CCDC91: variants seen among roughly 807,000 people sequenced by gnomAD.
The protein encoded by CCDC91 is coiled-coil domain-containing protein 91.
Under a neutral mutation model 63.2 loss-of-function variants are expected in CCDC91, and 48 were observed. The observed-to-expected ratio is 0.76, with a 90% CI of 0.60 to 0.97. CCDC91 has a LOEUF of 0.97. Ranked by LOEUF, CCDC91 falls within the 50% of genes least tolerant of loss-of-function variation. CCDC91 has a pLI of 0.00. For missense variants in CCDC91, 500 were observed against 494.6 expected, an observed-to-expected ratio of 1.01 and a Z score of -0.10; for synonymous variants, 167 against 165.8, an observed-to-expected ratio of 1.01 and a Z score of -0.06.
At chr12:28,380,756 A>G (rs1945249984) in intron 7 of CCDC91, among the ~76,000 whole-genome samples, 1 of 152,136 alleles carries the variant, frequency 6.6e-6, no homozygotes, top group Non-Finnish European at 1.5e-5. Context: ...TTCTTTAACA[A>G]TATCAATCAA....
At chr12:28,452,703 T>G (rs1949870200) in intron 11 of CCDC91, 49 bp downstream of exon 11, 1 of 1,057,536 alleles carries the variant, frequency 9.5e-7, no homozygotes, top group African/African-American at 1.7e-5. Flanking sequence ...CTCATTTTTC[T>G]CAAAATGAAG....
chr12:28,394,303 A>G (rs1433327256), intron 8 of CCDC91, among the ~76,000 whole-genome samples: 1 of 152,076 alleles, frequency 6.6e-6, no homozygotes, highest in Admixed American at 6.5e-5. Flanking sequence ...CGTCTCTACT[A>G]AAAATACAAA....
chr12:28,227,742 A>G (rs1433046955), intron 1 of CCDC91, among the ~76,000 whole-genome samples: 4 of 152,036 alleles, frequency 2.6e-5, no homozygotes, highest in African/African-American at 7.2e-5. Context: ...AGCCTATTCT[A>G]CTTTCACACT....
intron 1 of CCDC91, among the ~76,000 whole-genome samples, chr12:28,202,902 G>A (rs777494952): frequency 5.3e-5 from 8 of 152,244 alleles, no homozygotes; most frequent in Non-Finnish European, 1.2e-4. Context: ...ATGTTAAACA[G>A]TTGGCTCTGT....
chr12:28,450,481 A>T (rs1480368751), intron 10 of CCDC91, 63 bp downstream of exon 10: 10 of 1,094,482 alleles, frequency 9.1e-6, no homozygotes, highest in Admixed American at 1.9e-5. Flanking sequence ...GGAATATATT[A>T]ATAGTATTCT....
chr12:28,219,064 C>G (rs1233319368), intron 1 of CCDC91, among the ~76,000 whole-genome samples: 1 of 152,152 alleles, frequency 6.6e-6, no homozygotes, highest in African/African-American at 2.4e-5. Flanking sequence ...TACATTCTCA[C>G]TAGGTTACAT....
intron 6 of CCDC91, among the ~76,000 whole-genome samples, chr12:28,317,617 G>A (rs1447133178): frequency 2.0e-5 from 3 of 151,804 alleles, no homozygotes; most frequent in Non-Finnish European, 4.4e-5. Flanking sequence ...GAGTTTTATA[G>A]AAAATTGATC....
chr12:28,385,578 TA>T (rs1421190103), intron 7 of CCDC91, among the ~76,000 whole-genome samples: 1 of 152,220 alleles, frequency 6.6e-6, no homozygotes, highest in Non-Finnish European at 1.5e-5. Context: ...GGTTGTTAGA[TA>T]AAATTATTTT....
rs747981875 is a variant in CCDC91 at position 28,391,325 on chromosome 12, A to G, written c.676A>G (p.Lys226Glu). The change falls in exon 8 of 13, where the codon AAG becomes GAG. Residue 226 changes from lysine (K) to glutamate (E), a missense_variant. Coordinates refer to ENST00000536442, the MANE Select transcript of CCDC91 (RefSeq NM_018318.5). ...EYKALLQSSVKQQVEAIEKQY... is the reference protein window; with the variant it reads ...EYKALLQSSVEQQVEAIEKQY... ...TCAGGCACTACTGCAGTCTTCAGTTAAGCAACAAGTAGAAGCTATTGAAAA... is the reference window on the plus strand; with the variant it reads ...TCAGGCACTACTGCAGTCTTCAGTTGAGCAACAAGTAGAAGCTATTGAAAA... 1 of 1,612,306 alleles carries G rather than the reference A, an allele frequency of 6.2e-7. No homozygotes were observed. The highest frequency in any genetic ancestry group is 8.5e-7 in the Non-Finnish European group (1 of 1,178,542).
intron 6 of CCDC91, among the ~76,000 whole-genome samples, chr12:28,347,428 G>C (rs970192978): frequency 6.6e-6 from 1 of 152,118 alleles, no homozygotes; most frequent in African/African-American, 2.4e-5. Context: ...CTTTGGAAGG[G>C]ACATTAGAAT....
intron 6 of CCDC91, among the ~76,000 whole-genome samples, chr12:28,316,926 GTATT>G (rs758300034): frequency 2.6e-5 from 4 of 151,814 alleles, no homozygotes; most frequent in Non-Finnish European, 5.9e-5. Context: ...TATCTGGAAA[GTATT>G]TAGAGTTTTT....
chr12:28,327,157 TAG>T (rs34632404), intron 6 of CCDC91, among the ~76,000 whole-genome samples: 31,333 of 152,020 alleles, frequency 0.21, 4,110 homozygotes, highest in Non-Finnish European at 0.3. Flanking sequence ...TTTAGGCAGA[TAG>T]AGGGAGGGTA....
intron 1 of CCDC91, among the ~76,000 whole-genome samples, chr12:28,228,811 TTTGA>T (rs1348921166): frequency 6.6e-6 from 1 of 152,128 alleles, no homozygotes; most frequent in East Asian, 1.9e-4. Flanking sequence ...GCTCTTTAAC[TTTGA>T]TTGTCTCCAG....
In CCDC91 at chr12:28,277,852, C is replaced by G. The variant is rs180804479; in HGVS notation, c.109+18410C>G. Among the ~76,000 whole-genome samples the G allele has an allele frequency of 1.2e-3, 188 of 152,106 alleles. 3 individuals carry two copies. The highest frequency in any genetic ancestry group is 4.3e-3 in the African/African-American group (179 of 41,524). ...AGAACTACCCTAAGTTCTTTTGTCT[C>G]TCTTTCAAGGGCCTTTGTGATCTGG... On this transcript the variant is annotated intron_variant, in intron 3 of 12. Transcript: ENST00000536442.
chr12:28,544,459 C>T (rs2881910), intron 12 of CCDC91, among the ~76,000 whole-genome samples: 58,551 of 151,650 alleles, frequency 0.39, 11,707 homozygotes, highest in South Asian at 0.45. Context: ...AAAATGAAGT[C>T]ATTTTTAAGC....
intron 12 of CCDC91, among the ~76,000 whole-genome samples, chr12:28,547,473 T>G (rs1012090778): frequency 1.3e-5 from 2 of 152,122 alleles, no homozygotes; most frequent in African/African-American, 4.8e-5. Context: ...TTGTCTAACA[T>G]GTGCCAGACC....
intron 3 of CCDC91, among the ~76,000 whole-genome samples, chr12:28,274,359 T>G (rs950765408): frequency 3.9e-5 from 6 of 152,126 alleles, no homozygotes; most frequent in African/African-American, 9.7e-5. Context: ...TTAAAGTAGT[T>G]TTTTCCAGTT....
At chr12:28,244,626 C>A (rs1167852271) in intron 1 of CCDC91, among the ~76,000 whole-genome samples, 1 of 138,854 alleles carries the variant, frequency 7.2e-6, no homozygotes, top group Non-Finnish European at 1.5e-5. Flanking sequence ...AAAGTATCTT[C>A]ATTTATATGT....
At chr12:28,410,548 G>A (rs1180829534) in intron 8 of CCDC91, among the ~76,000 whole-genome samples, 1 of 152,078 alleles carries the variant, frequency 6.6e-6, no homozygotes, top group Non-Finnish European at 1.5e-5. Context: ...TTGAGACAGA[G>A]TCTGGCTCTG....
Sources: gnomAD v4.1 joint callset for allele counts (sites outside exome capture counted in the v4.1 genomes callset) on GRCh38, gnomAD v4.1.1 for gene constraint, MANE v1.5 for transcripts, NCBI Gene and HGNC (gene_info 2026-07-23, HGNC 2026-07-21) for gene names.